Variants in DMXL1 observed in about 807,000 individuals in gnomAD.
DMXL1 encodes dmX-like protein 1.
DMXL1 carries 99 observed loss-of-function variants against 319.2 expected under a neutral mutation model. That is an observed-to-expected ratio of 0.31 (90% CI 0.26 to 0.37). DMXL1 has a LOEUF of 0.37. Among genes scored for constraint, DMXL1 ranks in the 10% least tolerant of loss-of-function variants. DMXL1 has a pLI of 1.00. For synonymous variants in DMXL1, 1,385 were observed against 1,235.2 expected (o/e 1.12, Z -2.54); for missense variants, 3,745 against 3,595.6 (o/e 1.04, Z -1.06).
chr5:119,198,041 T>TGCA, intron 32 of DMXL1, 85 bp downstream of exon 32: 1 of 1,312,852 alleles, frequency 7.6e-7, no homozygotes, highest in South Asian at 1.2e-5. Context: ...CGGGCTGGAG[T>TGCA]GCAGTGGCAC....
In DMXL1 at chr5:119,152,046, A is replaced by T. The variant is rs1769917943; in HGVS notation, c.4702+10A>T. On this transcript the variant is annotated intron_variant, in intron 19 of 43. Coordinates refer to ENST00000539542, the MANE Select transcript of DMXL1 (RefSeq NM_001290321.3). ...CAACTCCTTCACCAAGGTGATTTTG[A>T]TAGTAATCTATTAAAGGGAAATAAA... is the stretch of plus-strand genomic sequence containing the variant. The T allele has an allele frequency of 3.2e-6, 5 of 1,572,224 alleles. No individual in the cohort carries two copies. Among genetic ancestry groups the T allele is most frequent in the Non-Finnish European group, 4.4e-6 (5 of 1,143,484 alleles).
chr5:119,171,644 T>C, intron 24 of DMXL1, 134 bp from the exon 25 acceptor site: 1 of 695,666 alleles, frequency 1.4e-6, no homozygotes, highest in South Asian at 3.0e-5. Context: ...TTCACATCCC[T>C]TCTAACTCTA....
intron 19 of DMXL1, among the ~76,000 whole-genome samples, chr5:119,155,026 A>C (rs1041494994): frequency 1.3e-5 from 2 of 152,218 alleles, no homozygotes; most frequent in Non-Finnish European, 2.9e-5. Flanking sequence ...TTTACTGAAT[A>C]TTTGCAGCCT....
chr5:119,161,268 C>T (rs923965493), intron 19 of DMXL1, among the ~76,000 whole-genome samples: 1 of 152,214 alleles, frequency 6.6e-6, no homozygotes, highest in African/African-American at 2.4e-5. Flanking sequence ...AGACCACTGT[C>T]AAGACCACTG....
intron 32 of DMXL1, among the ~76,000 whole-genome samples, chr5:119,202,885 T>TTATATATA (rs372719854): frequency 1.9e-4 from 25 of 130,792 alleles, no homozygotes; most frequent in African/African-American, 3.6e-4. Flanking sequence ...ATATATATTT[T>TTATATATA]TATATATATA....
Position 119,121,116 on chromosome 5 carries a change from C to T in DMXL1, c.1079C>T (p.Ala360Val). 1 of 1,607,050 alleles carries T rather than the reference C, an allele frequency of 6.2e-7. No individual in the cohort carries two copies. Among genetic ancestry groups the T allele is most frequent in the Non-Finnish European group, 8.5e-7 (1 of 1,177,976 alleles). The part of the protein sequence containing the change: ...HANALCHFHI[A>V]ASINPATDIP... Reference sequence around the variant, plus strand: ...AATGCACTTTGCCACTTTCATATTGCAGCCAGCATCAACCCAGCCACAGGT... The same window carrying T: ...AATGCACTTTGCCACTTTCATATTGTAGCCAGCATCAACCCAGCCACAGGT... The change falls in exon 9 of 44, where the codon GCA (alanine) becomes GTA (valine). Residue 360 changes from alanine (A) to valine (V), a missense_variant. Coordinates refer to ENST00000539542, the MANE Select transcript of DMXL1 (RefSeq NM_001290321.3).
At chr5:119,077,754 AGTGTGTGTGT>A (rs59365686) in intron 1 of DMXL1, among the ~76,000 whole-genome samples, 34 of 125,414 alleles carry the variant, frequency 2.7e-4, no homozygotes, top group African/African-American at 1.0e-3. Context: ...TTATTTTTTA[AGTGTGTGTGT>A]GTGTGTGTGT....
At chr5:119,150,863 C>T (rs1351022316) in intron 18 of DMXL1, among the ~76,000 whole-genome samples, 1 of 150,830 alleles carries the variant, frequency 6.6e-6, no homozygotes, top group Non-Finnish European at 1.5e-5. Flanking sequence ...AACTTTTTTT[C>T]CCCCCGAGAC....
In DMXL1 at chr5:119,247,147, A is replaced by G. The variant is rs746395133; in HGVS notation, c.9075A>G (p.Lys3025=). The change falls in exon 44 of 44, where the codon AAA becomes AAG. Residue 3025 remains lysine, a synonymous_variant. Coordinates refer to ENST00000539542, the MANE Select transcript of DMXL1 (RefSeq NM_001290321.3). ...CCTGTGGAGCTGATGGAACAATGAA[A>G]ATGAGAATACTGCCAGATCAGTTTA... ...IFSCGADGTM[K]MRILPDQFSP... 9 of 1,614,058 alleles carry G rather than the reference A, an allele frequency of 5.6e-6. No homozygotes were observed. Among genetic ancestry groups the G allele is most frequent in the Non-Finnish European group, 7.6e-6 (9 of 1,180,020 alleles).
At position 119,124,990 on chromosome 5, in the gene DMXL1, C is replaced by T. The variant is rs114917649; in HGVS notation, c.1102+3851C>T. ...CATTTTATCATGTGAATATTTTTCA[C>T]TGTTAAACATTTATGGTTAAATAAA... On this transcript the variant is annotated intron_variant, in intron 9 of 43. Transcript: ENST00000539542. 8.4e-3 allele frequency among the ~76,000 whole-genome samples: 1,282 copies of T among 152,260 alleles called. 15 individuals carry two copies. Among genetic ancestry groups the T allele is most frequent in the African/African-American group, 0.029 (1,215 of 41,546 alleles).
At position 119,105,264 on chromosome 5, in the gene DMXL1, A is replaced by C. The variant is rs1340613665; in HGVS notation, c.364+6A>C. The C allele has an allele frequency of 6.2e-7, 1 of 1,609,008 alleles. No homozygotes were observed. Among genetic ancestry groups the C allele is most frequent in the African/African-American group, 1.3e-5 (1 of 74,848 alleles). On this transcript the variant is annotated splice_donor_region_variant and intron_variant, in intron 4 of 43. Coordinates refer to ENST00000539542, the MANE Select transcript of DMXL1 (RefSeq NM_001290321.3). ...TATAACCTGGGATCCCACAGGTAAG[A>C]AAATAAGCAGGATTAACTAAAATGA...
At chr5:119,125,452 A>G (rs895573007) in intron 9 of DMXL1, among the ~76,000 whole-genome samples, 27 of 152,324 alleles carry the variant, frequency 1.8e-4, no homozygotes, top group Non-Finnish European at 3.2e-4. Flanking sequence ...CAGGGCCACT[A>G]TATGGAAAAT....
At chr5:119,184,381 G>T (rs1199547101) in intron 28 of DMXL1, among the ~76,000 whole-genome samples, 2 of 152,102 alleles carry the variant, frequency 1.3e-5, no homozygotes, top group East Asian at 3.8e-4. Context: ...GTATTTCTGT[G>T]TACCTTACTG....
At position 119,178,007 on chromosome 5, in the gene DMXL1, C is replaced by G; in HGVS notation, c.6898C>G (p.Leu2300Val). 6.2e-7 allele frequency: 1 copy of G among 1,604,330 alleles called. No homozygotes were observed. Among genetic ancestry groups the G allele is most frequent in the Non-Finnish European group, 8.5e-7 (1 of 1,174,560 alleles). The change falls in exon 28 of 44, where the codon CTA (leucine) becomes GTA (valine). Residue 2300 changes from leucine (L) to valine (V), a missense_variant. Physicochemically the swap from Leu to Val is conservative, Grantham distance 32 (BLOSUM62 1). Coordinates refer to ENST00000539542, the MANE Select transcript of DMXL1 (RefSeq NM_001290321.3). ...GTTTGTCGTTCTAGGAATAACTTGT[C>G]TAATTCGACTTTTGAATTCTTCTGG... ...SPAQWPGITC[L>V]IRLLNSSGEE...
chr5:119,132,307 T>C (rs1765087749), intron 10 of DMXL1, among the ~76,000 whole-genome samples: 1 of 152,232 alleles, frequency 6.6e-6, no homozygotes, highest in African/African-American at 2.4e-5. Flanking sequence ...AAAAGTATTA[T>C]TGTCATCTAT....
In DMXL1 at chr5:119,225,673, A is replaced by G. The variant is rs192034834; in HGVS notation, c.8338+904A>G. On this transcript the variant is annotated intron_variant, in intron 38 of 43. Coordinates refer to ENST00000539542, the MANE Select transcript of DMXL1 (RefSeq NM_001290321.3). ...TAAATGCTCAAATAATCTATTATCA[A>G]AGTTGTGTACGCTGTACGAAACAAG... Among the ~76,000 whole-genome samples the G allele has an allele frequency of 2.0e-5, 3 of 152,260 alleles. No homozygotes were observed. In the East Asian group the frequency reaches 5.8e-4, roughly 29 times the overall value.
chr5:119,129,542 A>G, intron 10 of DMXL1, 119 bp downstream of exon 10: 3 of 674,118 alleles, frequency 4.5e-6, no homozygotes, highest in Non-Finnish European at 7.5e-6. Flanking sequence ...TGATCCAAAC[A>G]TGGACTAGCT....
chr5:119,187,451 G>A (rs1777941347), intron 28 of DMXL1, among the ~76,000 whole-genome samples: 2 of 152,106 alleles, frequency 1.3e-5, no homozygotes, highest in Admixed American at 6.6e-5. Context: ...TGACCCAGCA[G>A]GATTCAAGCA....
chr5:119,164,071 C>G (rs1004800665), intron 19 of DMXL1, among the ~76,000 whole-genome samples: 1 of 151,736 alleles, frequency 6.6e-6, no homozygotes, highest in African/African-American at 2.4e-5. Context: ...ATTCCTAATT[C>G]ATCAACCTGA....
Sources: allele counts gnomAD v4.1 joint callset (sites outside exome capture counted in the v4.1 genomes callset), GRCh38; gene constraint gnomAD v4.1.1; transcripts MANE v1.5; gene names NCBI Gene and HGNC (gene_info 2026-07-23, HGNC 2026-07-21).